Variants in PPM1L observed in about 807,000 individuals in gnomAD.
PPM1L encodes protein phosphatase, Mg2+/Mn2+ dependent 1L.
PPM1L carries 13 observed loss-of-function variants against 31.4 expected under a neutral mutation model. The observed-to-expected ratio is 0.41, with a 90% CI of 0.27 to 0.66. The LOEUF is 0.66. Ranked by LOEUF, PPM1L falls within the 30% of genes least tolerant of loss-of-function variation. The pLI is 0.29. For missense variants in PPM1L, 326 were observed against 453.7 expected (o/e 0.72, Z 2.56); for synonymous variants, 184 against 175.4 (o/e 1.05, Z -0.39).
intron 1 of PPM1L, among the ~76,000 whole-genome samples, chr3:160,940,663 C>T (rs1715136676): frequency 6.6e-6 from 1 of 152,166 alleles, no homozygotes; most frequent in Non-Finnish European, 1.5e-5. Context: ...GGAACCTCTG[C>T]CTAGATTTCA....
rs1389973450 is a variant in PPM1L at position 161,078,640 on chromosome 3, G to A, written c.*9483G>A. Reference sequence around the variant, plus strand: ...TACTGATCTGTATTTGTCTCTAAGAGACATTTGAAACACAGTTACAATGTC... The same window carrying A: ...TACTGATCTGTATTTGTCTCTAAGAAACATTTGAAACACAGTTACAATGTC... On this transcript the variant is annotated 3_prime_UTR_variant, in exon 4 of 4. Transcript: ENST00000498165. 6.6e-6 allele frequency: 1 copy of A among 152,146 alleles called. No individual in the cohort carries two copies. Among genetic ancestry groups the A allele is most frequent in the African/African-American group, 2.4e-5 (1 of 41,418 alleles). The allele number at this position is 152,146 out of a possible 1,614,324, so 9.4% of individuals were successfully genotyped here.
chr3:160,990,499 A>C (rs1717099103), intron 2 of PPM1L, among the ~76,000 whole-genome samples: 1 of 152,242 alleles, frequency 6.6e-6, no homozygotes, highest in South Asian at 2.1e-4. Context: ...AGAAGTCATA[A>C]TGGAGTTGTC....
intron 2 of PPM1L, among the ~76,000 whole-genome samples, chr3:161,049,803 C>G (rs1041287781): frequency 2.2e-4 from 33 of 152,272 alleles, no homozygotes; most frequent in African/African-American, 7.9e-4. Flanking sequence ...GTAACTCCTC[C>G]TCCTCACCAG....
chr3:160,870,092 AGATCCTGACCATGGGAGAAGTGT>A (rs1182939224), intron 1 of PPM1L, among the ~76,000 whole-genome samples: 2 of 152,120 alleles, frequency 1.3e-5, no homozygotes, highest in Admixed American at 1.3e-4. Context: ...TTTCCCTTCC[AGATCCTGACCATGGGAGAAGTGT>A]GTGTGGGTGT....
In PPM1L at chr3:160,956,932, C is replaced by G. The variant is rs928671052; in HGVS notation, c.400-4804C>G. 7.9e-5 allele frequency among the ~76,000 whole-genome samples: 12 copies of G among 152,294 alleles called. No homozygotes were observed. In the South Asian group the frequency reaches 1.5e-3, roughly 18 times the overall value. ...AGCTTCTATGGTATAAAGCATTGAA[C>G]CAGATGTGGGGGAACACAATAGTGT... On this transcript the variant is annotated intron_variant, in intron 1 of 3. Transcript: ENST00000498165.
chr3:160,808,395 G>C (rs1576647489), intron 1 of PPM1L, among the ~76,000 whole-genome samples: 1 of 148,356 alleles, frequency 6.7e-6, no homozygotes, highest in African/African-American at 2.5e-5. Context: ...GTGTGTGTGT[G>C]TGTGTGTGTG....
chr3:160,993,122 T>TA (rs558330848), intron 2 of PPM1L, among the ~76,000 whole-genome samples: 75 of 152,272 alleles, frequency 4.9e-4, no homozygotes, highest in African/African-American at 1.8e-3. Flanking sequence ...GATATAGAAT[T>TA]ATACACAGTG....
rs375546633 is a variant in PPM1L, at chr3:161,001,268, C to T, written c.574+39358C>T. 1.3e-3 allele frequency among the ~76,000 whole-genome samples: 202 copies of T among 152,154 alleles called. 2 individuals carry two copies. The South Asian group carries it at 0.04, about 30-fold the overall frequency. ...AAACAACAAGAAAATACCCAAGGAA[C>T]TAAAAGTCTATAGTTTTTTGTTTTT... is the stretch of plus-strand genomic sequence containing the variant. On this transcript the variant is annotated intron_variant, in intron 2 of 3. Coordinates refer to ENST00000498165, the MANE Select transcript of PPM1L (RefSeq NM_139245.4).
intron 1 of PPM1L, among the ~76,000 whole-genome samples, chr3:160,956,909 C>G (rs2108103786): frequency 6.6e-6 from 1 of 152,322 alleles, no homozygotes; most frequent in Non-Finnish European, 1.5e-5. Context: ...AAGTATTGAG[C>G]TTCTATGGTA....
chr3:160,995,053 G>A (rs750840436), intron 2 of PPM1L, among the ~76,000 whole-genome samples: 3 of 152,156 alleles, frequency 2.0e-5, no homozygotes, highest in South Asian at 2.1e-4. Context: ...TTTAAACAGC[G>A]TTATTAAAAG....
rs74853520 is a variant in PPM1L, at chr3:160,781,023, G to A, written c.399+24316G>A. 5.7e-3 allele frequency among the ~76,000 whole-genome samples: 866 copies of A among 152,098 alleles called. 30 individuals are homozygous for A. The East Asian group carries it at 0.1, about 18-fold the overall frequency. On this transcript the variant is annotated intron_variant, in intron 1 of 3. Coordinates refer to ENST00000498165, the MANE Select transcript of PPM1L (RefSeq NM_139245.4). ...TAATGAAGTCTTTACTCTTCATTTA[G>A]CAACTCTGTTTCCCTCTTATTTATT...
At chr3:161,016,975 CT>C (rs1304298339) in intron 2 of PPM1L, among the ~76,000 whole-genome samples, 3 of 151,508 alleles carry the variant, frequency 2.0e-5, no homozygotes, top group Admixed American at 6.6e-5. Flanking sequence ...TAATGCACTT[CT>C]TTTTTTTTCT....
intron 1 of PPM1L, among the ~76,000 whole-genome samples, chr3:160,917,825 C>T (rs1428869193): frequency 6.6e-6 from 1 of 152,136 alleles, no homozygotes; most frequent in Admixed American, 6.5e-5. Flanking sequence ...TAGGGTACAC[C>T]AACAATGTGA....
At chr3:160,968,001 G>A (rs956836507) in intron 2 of PPM1L, among the ~76,000 whole-genome samples, 7 of 151,954 alleles carry the variant, frequency 4.6e-5, no homozygotes, top group African/African-American at 1.7e-4. Flanking sequence ...TTTTCTATTT[G>A]TTTTCTTCTT....
At chr3:160,818,088 AG>A (rs1163172146) in intron 1 of PPM1L, among the ~76,000 whole-genome samples, 1 of 152,174 alleles carries the variant, frequency 6.6e-6, no homozygotes, top group African/African-American at 2.4e-5. Context: ...AGTACTAGTC[AG>A]GGAAGCTCAA....
intron 2 of PPM1L, among the ~76,000 whole-genome samples, chr3:161,026,339 G>A (rs1015831035): frequency 6.6e-6 from 1 of 152,188 alleles, no homozygotes; most frequent in Non-Finnish European, 1.5e-5. Context: ...CACAGCTGCT[G>A]AGGAAGAGCT....
At chr3:160,790,328 T>A (rs180925958) in intron 1 of PPM1L, among the ~76,000 whole-genome samples, 1 of 152,304 alleles carries the variant, frequency 6.6e-6, no homozygotes, top group East Asian at 1.9e-4. Flanking sequence ...TTCTTGTTCC[T>A]CCATAGCACC....
chr3:160,815,976 A>G (rs1245094894), intron 1 of PPM1L, among the ~76,000 whole-genome samples: 2 of 152,154 alleles, frequency 1.3e-5, no homozygotes, highest in African/African-American at 4.8e-5. Flanking sequence ...ATCTAAATGG[A>G]AACACAGTTG....
chr3:160,806,255 A>G (rs972180118), intron 1 of PPM1L, among the ~76,000 whole-genome samples: 3 of 151,780 alleles, frequency 2.0e-5, no homozygotes, highest in African/African-American at 7.3e-5. Context: ...GCCTTTCCCC[A>G]CTTCCTTCTC....
Sources: allele counts gnomAD v4.1 joint callset (sites outside exome capture counted in the v4.1 genomes callset), GRCh38; gene constraint gnomAD v4.1.1; transcripts MANE v1.5; gene names NCBI Gene and HGNC (gene_info 2026-07-23, HGNC 2026-07-21).